Variants in MTERF4 observed in about 807,000 individuals in gnomAD.
MTERF4 encodes mitochondrial transcription termination factor 4, also known as transcription termination factor 4, mitochondrial.
In MTERF4, 17 loss-of-function variants were observed where a neutral mutation model predicts 22.5. The observed-to-expected ratio is 0.75, with a 90% CI of 0.52 to 1.13. The LOEUF (loss-of-function observed/expected upper bound fraction) is 1.13, where lower values mean the gene tolerates loss of function less well. Ranked by LOEUF, MTERF4 falls within the 50% of genes most tolerant of loss-of-function variation. MTERF4 has a pLI of 0.00. For synonymous variants in MTERF4, 165 were observed against 175.3 expected (o/e 0.94, Z 0.47); for missense variants, 420 against 466.8 (o/e 0.90, Z 0.92).
chr2:241,072,843 G>A (rs758047193), exon 5 of MTERF4: 2 of 210,324 alleles, frequency 9.5e-6, no homozygotes, highest in Non-Finnish European at 1.9e-5. Context: ...AGTTGGGGGC[G>A]AGGGCATGAG....
chr2:241,062,192 C>A, the MTERF4 span, among the ~76,000 whole-genome samples: 3 of 152,110 alleles, frequency 2.0e-5, no homozygotes, highest in East Asian at 5.8e-4. Context: ...AAATTATAAA[C>A]CCAGAGATTC....
chr2:241,063,481 C>T, the MTERF4 span: 1 of 776,728 alleles, frequency 1.3e-6, no homozygotes, highest in Non-Finnish European at 2.3e-6. Flanking sequence ...TTGCTCCCAG[C>T]TGGGAAAGGG....
Position 241,097,274 on chromosome 2 carries a change from T to C in MTERF4, c.674A>G (p.Glu225Gly), listed in dbSNP as rs1221307156. Residue 225 changes from glutamate to glycine, a missense_variant, in exon 3 of 4, where the codon GAG (glutamate) becomes GGG (glycine). By Grantham distance (98) the Glu-to-Gly change is moderately conservative. Transcript: ENST00000391980. ...CTTGTATTCCAGTTGACCCAGGTCC[T>C]CTCGAAGAACAGAGGGGCAACTGTG... ...ILHSCPSVLR[E>G]DLGQLEYKFQ... is the part of the protein sequence containing the mutation. 6 of 1,614,004 alleles carry C rather than the reference T, an allele frequency of 3.7e-6. No individual in the cohort carries two copies. Among genetic ancestry groups the C allele is most frequent in the African/African-American group, 2.7e-5 (2 of 74,922 alleles).
At chr2:241,081,601 AG>A in intron 4 of MTERF4, 8 of 1,069,690 alleles carry the variant, frequency 7.5e-6, no homozygotes, top group Non-Finnish European at 1.1e-5. Flanking sequence ...TCATCAAGGA[AG>A]GGACAGCAAC....
the MTERF4 span, among the ~76,000 whole-genome samples, chr2:241,056,170 A>G: frequency 3.9e-5 from 6 of 152,366 alleles, no homozygotes; most frequent in South Asian, 1.2e-3. Flanking sequence ...TATGTTAAAG[A>G]AAAACGAGAG....
At chr2:241,089,842 G>A, downstream of MTERF4, 1 of 1,381,128 alleles carries the variant, frequency 7.2e-7, no homozygotes, top group Non-Finnish European at 9.6e-7. Flanking sequence ...CTGTGTGGCA[G>A]AGCCCATGCT....
downstream of MTERF4, among the ~76,000 whole-genome samples, chr2:241,083,611 A>G (rs7580472): frequency 0.16 from 24,735 of 152,088 alleles, 2,827 homozygotes; most frequent in African/African-American, 0.33. Flanking sequence ...TTCGGATTCT[A>G]TGCAGTGAGA....
intron 1 of MTERF4, 176 bp from the exon 2 acceptor site, chr2:241,100,070 G>C (rs1380980082): frequency 2.7e-6 from 2 of 731,942 alleles, no homozygotes; most frequent in Non-Finnish European, 4.3e-6. Context: ...AGCTCACAAA[G>C]AACAGGGTAT....
At chr2:241,066,811 A>G in the MTERF4 span, among the ~76,000 whole-genome samples, 1 of 152,186 alleles carries the variant, frequency 6.6e-6, no homozygotes, top group Admixed American at 6.5e-5. Context: ...CTTGATGCCA[A>G]TGCCAAGGGC....
At position 241,099,225 on chromosome 2, in the gene MTERF4, C is replaced by A. The variant is rs192459069; in HGVS notation, c.520+171G>T. 8.7e-6 allele frequency: 6 copies of A among 687,764 alleles called. No homozygotes were observed. The East Asian group carries it at 1.4e-4, about 16-fold the overall frequency. The allele number at this position is 687,764 out of a possible 1,614,324, so 42.6% of individuals were successfully genotyped here. On this transcript the variant is annotated intron_variant, in intron 2 of 3. Transcript: ENST00000391980. ...AAGTAGCTGGAATTACAGGTGCGTG[C>A]CACCAAGCCCAGCTAATTTTTCTAT...
chr2:241,050,002 T>C, the MTERF4 span: 1 of 1,110,620 alleles, frequency 9.0e-7, no homozygotes, highest in East Asian at 2.4e-5. Context: ...GCCGTCCTGC[T>C]TCTCTGCTGT....
chr2:241,054,635 T>C, the MTERF4 span, among the ~76,000 whole-genome samples: 1 of 152,226 alleles, frequency 6.6e-6, no homozygotes, highest in Non-Finnish European at 1.5e-5. Context: ...AAACATGGCA[T>C]TGGCCATCCA....
Position 241,097,252 on chromosome 2 carries a change from G to T in MTERF4, c.696C>A (p.Tyr232Ter), listed in dbSNP as rs2064484919. ...TATCAGTCATTCTCACCTGAAACTT[G>T]TATTCCAGTTGACCCAGGTCCTCTC... ...VLREDLGQLEYKFQYAYFRMG... is the reference protein window; with the variant it reads ...VLREDLGQLE Residue 232 changes from tyrosine (Y) to a stop codon, truncating the protein, a stop_gained, in exon 3 of 4, where the codon TAC (tyrosine) becomes TAA (stop). Coordinates refer to ENST00000391980, the MANE Select transcript of MTERF4 (RefSeq NM_182501.4). LOFTEE classifies it low-confidence loss of function (END_TRUNC). 6.2e-7 allele frequency: 1 copy of T among 1,613,906 alleles called. No individual in the cohort carries two copies. Among genetic ancestry groups the T allele is most frequent in the African/African-American group, 1.3e-5 (1 of 75,050 alleles).
chr2:241,063,251 C>G, the MTERF4 span: 1 of 483,288 alleles, frequency 2.1e-6, no homozygotes. Context: ...CACTCTTGTA[C>G]CTCGCTAGGG....
downstream of MTERF4, among the ~76,000 whole-genome samples, chr2:241,084,063 C>A (rs951679434): frequency 6.6e-6 from 1 of 151,548 alleles, no homozygotes; most frequent in African/African-American, 2.4e-5. Flanking sequence ...ATTTGCCATA[C>A]ACATCTTCAC....
At chr2:241,080,940 G>A (rs2063298804) in intron 4 of MTERF4, among the ~76,000 whole-genome samples, 1 of 152,250 alleles carries the variant, frequency 6.6e-6, no homozygotes, top group Admixed American at 6.5e-5. Flanking sequence ...GACAGGGACA[G>A]ACACAGGTCT....
In MTERF4 at chr2:241,096,957, A is replaced by G; in HGVS notation, c.705+286T>C. 1 of 585,642 alleles carries G rather than the reference A, an allele frequency of 1.7e-6. No individual in the cohort carries two copies. Among genetic ancestry groups the G allele is most frequent in the Non-Finnish European group, 3.0e-6 (1 of 333,022 alleles). 36.3% of individuals were successfully genotyped at this position (585,642 alleles called of 1,614,324 possible). A position where few individuals can be genotyped will look rare whatever the true frequency, so the allele number is the denominator to read the frequency against. The stretch of plus-strand genomic sequence containing the variant: ...AATAGGACTGGATCATTCATTATTA[A>G]TGGCAGAAAAGTTGAAGAATAGGTT... On this transcript the variant is annotated intron_variant, in intron 3 of 3. Coordinates refer to ENST00000391980, the MANE Select transcript of MTERF4 (RefSeq NM_182501.4). The surrounding 1 kb of genome is among the most constrained non-coding windows in gnomAD (Gnocchi z 5.1).
chr2:241,094,545 C>T (rs79500020), downstream of MTERF4: 9,645 of 369,312 alleles, frequency 0.026, 738 homozygotes, highest in East Asian at 0.23. This position sits in a 1 kb window ranked among gnomAD's most constrained non-coding sequence, Gnocchi z 4.3. Context: ...GCTGAAAAAC[C>T]AGCTCCTTAT....
In MTERF4 at chr2:241,080,344, A is replaced by G. The variant is rs539713472; in HGVS notation, n.480-4662T>C. On this transcript the variant is annotated intron_variant and non_coding_transcript_variant, in intron 4 of 4. Coordinates refer to the MTERF4 transcript ENST00000464344. ...TCTGTTAATTTGAAATGGAAATATT[A>G]GTATGAACTCATAATGTGTTTATTT... Among the ~76,000 whole-genome samples the G allele has an allele frequency of 2.4e-3, 359 of 152,352 alleles. 1 individual carries two copies. Among genetic ancestry groups the G allele is most frequent in the Non-Finnish European group, 3.9e-3 (266 of 68,026 alleles).
Sources: allele counts gnomAD v4.1 joint callset (sites outside exome capture counted in the v4.1 genomes callset), GRCh38; gene constraint gnomAD v4.1.1; non-coding constraint Gnocchi (gnomAD v3.1); transcripts MANE v1.5; gene names NCBI Gene and HGNC (gene_info 2026-07-23, HGNC 2026-07-21).